PVT1: variants seen among roughly 807,000 people sequenced by gnomAD.
PVT1 encodes the protein CXCR4/PVT1 fusion.
chr8:128,056,333 A>G (rs1310088525), intron 4 of PVT1, among the ~76,000 whole-genome samples: 1 of 152,178 alleles, frequency 6.6e-6, no homozygotes, highest in Non-Finnish European at 1.5e-5. Flanking sequence ...GCGTTCATGT[A>G]TTTACATTTG....
chr8:127,891,222 T>C (rs529921777), intron 3 of PVT1, among the ~76,000 whole-genome samples: 2 of 152,360 alleles, frequency 1.3e-5, no homozygotes, highest in South Asian at 2.1e-4. Context: ...TTTACGTATC[T>C]GTCACCATCT....
chr8:127,984,866 TTTCTTTCTTTC>T (rs1277167326), intron 3 of PVT1, among the ~76,000 whole-genome samples: 4 of 69,962 alleles, frequency 5.7e-5, no homozygotes, highest in African/African-American at 1.9e-4. Flanking sequence ...TCTTTCTTTC[TTTCTTTCTTTC>T]TTTCTTTCTT....
chr8:127,880,102 T>C (rs1007543755), intron 2 of PVT1, among the ~76,000 whole-genome samples: 1 of 151,682 alleles, frequency 6.6e-6, no homozygotes, highest in African/African-American at 2.4e-5. Flanking sequence ...GCAACCTGGT[T>C]ATCAACAAAT....
chr8:128,053,537 C>T (rs868624036), intron 4 of PVT1, among the ~76,000 whole-genome samples: 1 of 151,804 alleles, frequency 6.6e-6, no homozygotes, highest in African/African-American at 2.4e-5. Context: ...TTGATGTAGT[C>T]CTGCCTGATG....
At chr8:128,076,556 G>A (rs1586509433) in intron 5 of PVT1, among the ~76,000 whole-genome samples, 1 of 152,182 alleles carries the variant, frequency 6.6e-6, no homozygotes, top group Non-Finnish European at 1.5e-5. Context: ...TGGGAAAAAA[G>A]GTTGTGGACC....
intron 3 of PVT1, among the ~76,000 whole-genome samples, chr8:127,924,510 T>C (rs973975600): frequency 3.6e-4 from 3 of 8,414 alleles, no homozygotes; most frequent in Non-Finnish European, 1.3e-3. Flanking sequence ...ACTTTTGTAT[T>C]TTTTTTTTTT....
chr8:127,892,479 A>G (rs1007788604), intron 3 of PVT1, among the ~76,000 whole-genome samples: 1 of 152,140 alleles, frequency 6.6e-6, no homozygotes, highest in African/African-American at 2.4e-5. Context: ...TCTTTTCTTG[A>G]GTATATATAT....
intron 2 of PVT1, among the ~76,000 whole-genome samples, chr8:127,809,056 G>GAAAAAAAAAAAAAAAAA (rs1814561989): frequency 1.2e-5 from 1 of 86,572 alleles, no homozygotes. Context: ...AAAAAAAAAA[G>GAAAAAAAAAAAAAAAAA]AAAGAAAAAA....
At chr8:128,049,263 C>T in intron 4 of PVT1, 1 of 510,104 alleles carries the variant, frequency 2.0e-6, no homozygotes, top group South Asian at 1.4e-5. Flanking sequence ...AGAAGCAGGT[C>T]ATTTCGAGAT....
chr8:127,901,010 C>T (rs1484265667), intron 3 of PVT1, among the ~76,000 whole-genome samples: 2 of 152,202 alleles, frequency 1.3e-5, no homozygotes, highest in South Asian at 4.1e-4. Context: ...GAAGGAGCAA[C>T]ATAATGGGGG....
At chr8:127,829,150 G>T (rs1292926419) in intron 2 of PVT1, among the ~76,000 whole-genome samples, 1 of 152,116 alleles carries the variant, frequency 6.6e-6, no homozygotes, top group Non-Finnish European at 1.5e-5. Flanking sequence ...GGTGGCAGGT[G>T]CCTGTAATCC....
intron 4 of PVT1, among the ~76,000 whole-genome samples, chr8:128,029,228 T>TG (rs1425432160): frequency 6.6e-6 from 1 of 152,054 alleles, no homozygotes; most frequent in Non-Finnish European, 1.5e-5. Context: ...GCTCAAGCAA[T>TG]CCTCCTACCT....
At chr8:128,034,421 T>C (rs1813436865) in intron 4 of PVT1, among the ~76,000 whole-genome samples, 1 of 152,190 alleles carries the variant, frequency 6.6e-6, no homozygotes, top group African/African-American at 2.4e-5. Flanking sequence ...TGACTTTCCA[T>C]TTTGGAACAT....
At chr8:127,982,664 T>TAATG (rs1427792131) in intron 3 of PVT1, among the ~76,000 whole-genome samples, 1 of 145,304 alleles carries the variant, frequency 6.9e-6, no homozygotes, top group African/African-American at 2.8e-5. Context: ...ATTAATTAAT[T>TAATG]AATTAATTAA....
intron 4 of PVT1, among the ~76,000 whole-genome samples, chr8:128,037,435 A>G (rs1813478395): frequency 6.6e-6 from 1 of 152,154 alleles, no homozygotes; most frequent in African/African-American, 2.4e-5. Flanking sequence ...CTGGAAATGC[A>G]GTTGTCATTG....
intron 2 of PVT1, among the ~76,000 whole-genome samples, chr8:127,889,421 C>T (rs940131402): frequency 2.0e-5 from 3 of 151,516 alleles, no homozygotes; most frequent in African/African-American, 7.3e-5. Context: ...TGAGCCACCG[C>T]GCCCAGCCTC....
intron 5 of PVT1, among the ~76,000 whole-genome samples, chr8:128,073,053 C>T (rs572594994): frequency 8.5e-5 from 13 of 152,052 alleles, no homozygotes; most frequent in South Asian, 4.2e-4. Context: ...AGGCTGGTCT[C>T]GAACTCCTGA....
rs28470536 is a variant in PVT1 at position 127,950,276 on chromosome 8, C to T, written n.783-38886C>T. Among the ~76,000 whole-genome samples, 606 of 152,348 alleles carry T rather than the reference C, an allele frequency of 4.0e-3. 3 individuals carry two copies. Among genetic ancestry groups the T allele is most frequent in the Non-Finnish European group, 6.3e-3 (427 of 68,034 alleles). ...TCCTGGGGTTAGCACCCAATAGCCC[C>T]GTGGCGGCATGCTGTTATTACTCTC... is the stretch of plus-strand genomic sequence containing the variant. On this transcript the variant is annotated intron_variant and non_coding_transcript_variant, in intron 3 of 10. Transcript: ENST00000651587.
intron 3 of PVT1, among the ~76,000 whole-genome samples, chr8:127,978,248 C>A (rs1447498024): frequency 1.3e-5 from 2 of 151,562 alleles, no homozygotes; most frequent in East Asian, 1.9e-4. Flanking sequence ...AATTCCTGGG[C>A]TCAAGCAATC....
Sources: allele counts gnomAD v4.1 joint callset (sites outside exome capture counted in the v4.1 genomes callset), GRCh38; gene constraint gnomAD v4.1.1; transcripts MANE v1.5; gene names NCBI Gene and HGNC (gene_info 2026-07-23, HGNC 2026-07-21).